Variants in TMEM183A observed in about 807,000 individuals in gnomAD.
The protein encoded by TMEM183A is chromosome 1 open reading frame 37.
In TMEM183A, 21 loss-of-function variants were observed where a neutral mutation model predicts 46.7. The observed-to-expected ratio is 0.45, with a 90% CI of 0.32 to 0.65. TMEM183A has a LOEUF of 0.65. Among genes scored for constraint, TMEM183A ranks in the 30% least tolerant of loss-of-function variants. The probability of loss-of-function intolerance (pLI) is 0.04; values close to 1 mark genes in which losing one functional copy is unlikely to be tolerated. For synonymous variants in TMEM183A, 165 were observed against 180.2 expected, an observed-to-expected ratio of 0.92 and a Z score of 0.68; for missense variants, 331 against 481.9, an observed-to-expected ratio of 0.69 and a Z score of 2.93.
In TMEM183A at chr1:203,012,527, T is replaced by G. The variant is rs776677752; in HGVS notation, c.368-2362T>G. On this transcript the variant is annotated intron_variant, in intron 3 of 7. Transcript: ENST00000367242. ...ATGCCTATCAAAATTCTTCATGTCC[T>G]TCATGATTTATCTCCATGAAGCTTT... Among the ~76,000 whole-genome samples the G allele has an allele frequency of 6.7e-4, 102 of 152,226 alleles. 1 individual carries two copies. The highest frequency in any genetic ancestry group is 1.3e-3 in the Non-Finnish European group (90 of 68,038).
At chr1:203,020,113 T>A (rs966582041) in intron 6 of TMEM183A, among the ~76,000 whole-genome samples, 1 of 152,212 alleles carries the variant, frequency 6.6e-6, no homozygotes, top group Non-Finnish European at 1.5e-5. Context: ...TCTCACGTGA[T>A]GGCAGGTGGG....
rs2102548122 is a variant in TMEM183A, at chr1:203,013,726, G to T, written c.368-1163G>T. Among the ~76,000 whole-genome samples the T allele has an allele frequency of 6.6e-6, 1 of 152,036 alleles. No individual in the cohort carries two copies. The highest frequency in any genetic ancestry group is 2.1e-4 in the South Asian group (1 of 4,804). ...GAAGGGGTTTCAGTGTGTTAGCCAG[G>T]TTGCTCTCGATCTCCTGACCTCGCG... On this transcript the variant is annotated intron_variant, in intron 3 of 7. Transcript: ENST00000367242. This position sits in a 1 kb window ranked among gnomAD's most constrained non-coding sequence, Gnocchi z 4.0.
chr1:203,015,999 A>G lies in TMEM183A; in HGVS notation c.567A>G (p.Arg189=). The change falls in exon 5 of 8, where the codon CGA becomes CGG. Residue 189 remains arginine, a synonymous_variant. Coordinates refer to ENST00000367242, the MANE Select transcript of TMEM183A (RefSeq NM_138391.6). ...TLDASLPLRL[R]PESMEKLRCL... is the part of the protein sequence containing the mutation. The stretch of plus-strand genomic sequence containing the variant: ...ATGCTTCCCTGCCTTTGCGTCTGCG[A>G]CCAGAGTCAATGGAGAAGCTGCGCT... 6.2e-7 allele frequency: 1 copy of G among 1,614,002 alleles called. No individual in the cohort carries two copies. The highest frequency in any genetic ancestry group is 8.5e-7 in the Non-Finnish European group (1 of 1,179,880).
chr1:203,011,205 A>T (rs1488028790), intron 3 of TMEM183A, among the ~76,000 whole-genome samples: 4 of 152,186 alleles, frequency 2.6e-5, no homozygotes, highest in Non-Finnish European at 4.4e-5. Context: ...ACTGTTTTCC[A>T]AAGTGTGTGC....
intron 2 of TMEM183A, among the ~76,000 whole-genome samples, chr1:203,008,176 C>T (rs1199105751): frequency 6.6e-6 from 1 of 152,034 alleles, no homozygotes; most frequent in East Asian, 1.9e-4. Context: ...GTTTAATAAC[C>T]TTGGAGTGTT....
At chr1:203,017,649 C>A in intron 5 of TMEM183A, 1 of 779,562 alleles carries the variant, frequency 1.3e-6, no homozygotes, top group Non-Finnish European at 1.6e-6. Flanking sequence ...ACTTGTATAC[C>A]CATGATTGCG....
In TMEM183A at chr1:203,024,742, G is replaced by A. The variant is rs1470895232; in HGVS notation, c.*1702G>A. On this transcript the variant is annotated 3_prime_UTR_variant, in exon 8 of 8. Coordinates refer to ENST00000367242, the MANE Select transcript of TMEM183A (RefSeq NM_138391.6). ...AGGGGAGAAGCACAGTCCCTGCCAG[G>A]TTGCCTGAACTAAAGATGCCATGGA... 6.6e-6 allele frequency: 1 copy of A among 152,160 alleles called. No individual in the cohort carries two copies. The highest frequency in any genetic ancestry group is 1.9e-4 in the East Asian group (1 of 5,198). 9.4% of individuals were successfully genotyped at this position (152,160 alleles called of 1,614,324 possible).
intron 3 of TMEM183A, among the ~76,000 whole-genome samples, chr1:203,009,229 T>C (rs1212729580): frequency 6.6e-6 from 1 of 152,368 alleles, no homozygotes. Context: ...CTAGTTTTGT[T>C]ACACACAAAC....
At chr1:203,014,735 A>T (rs1208038319) in intron 3 of TMEM183A, among the ~76,000 whole-genome samples, 154 bp from the exon 4 acceptor site, 6 of 152,242 alleles carry the variant, frequency 3.9e-5, no homozygotes, top group African/African-American at 1.4e-4. Flanking sequence ...TCCAGCAGCT[A>T]GGATGAGCAG....
chr1:203,018,384 C>G (rs1264558616), intron 5 of TMEM183A, 97 bp from the exon 6 acceptor site: 3 of 1,424,426 alleles, frequency 2.1e-6, no homozygotes, highest in Non-Finnish European at 2.9e-6. Flanking sequence ...TTAGAGCTGT[C>G]AAACAGAAAG....
chr1:203,017,567 T>C (rs1657285786), intron 5 of TMEM183A, among the ~76,000 whole-genome samples: 1 of 152,240 alleles, frequency 6.6e-6, no homozygotes. Flanking sequence ...CTGCTGCTTT[T>C]GTGCCTTGTT....
intron 3 of TMEM183A, among the ~76,000 whole-genome samples, chr1:203,012,792 C>A (rs566898940): frequency 1.3e-5 from 2 of 151,274 alleles, no homozygotes; most frequent in Non-Finnish European, 2.9e-5. Context: ...TGCAGTGGTG[C>A]AGTCATGGCT....
At chr1:203,008,586 G>T (rs1656228720) in intron 2 of TMEM183A, 57 bp from the exon 3 acceptor site, 5 of 1,342,292 alleles carry the variant, frequency 3.7e-6, no homozygotes, top group Middle Eastern at 2.4e-4. Context: ...TGGCTAAGTT[G>T]TTTGTATTTC....
intron 5 of TMEM183A, chr1:203,018,000 T>C (rs975011789): frequency 1.0e-6 from 1 of 966,482 alleles, no homozygotes; most frequent in Non-Finnish European, 1.2e-6. Context: ...TCAGCCTAGC[T>C]CTGTAGTTTC....
intron 1 of TMEM183A, 62 bp from the exon 2 acceptor site, chr1:203,007,712 G>A: frequency 2.5e-6 from 4 of 1,601,848 alleles, no homozygotes; most frequent in Non-Finnish European, 3.4e-6. Context: ...AGGAGGAGGT[G>A]TTGGCGGGGA....
intron 3 of TMEM183A, among the ~76,000 whole-genome samples, chr1:203,009,521 G>T (rs966257483): frequency 6.6e-6 from 1 of 152,048 alleles, no homozygotes; most frequent in Non-Finnish European, 1.5e-5. Flanking sequence ...TTGGTCTCTT[G>T]CCTGGGCTGG....
chr1:203,015,689 T>A (rs1657101515), intron 4 of TMEM183A: 1 of 410,872 alleles, frequency 2.4e-6, no homozygotes, highest in African/African-American at 2.0e-5. Flanking sequence ...TTTGAGCAGC[T>A]AAAGCATAAT....
At chr1:203,014,557 TGCACCACTGCATTCTAGCCTGG>T (rs1327842062) in intron 3 of TMEM183A, among the ~76,000 whole-genome samples, 1 of 152,052 alleles carries the variant, frequency 6.6e-6, no homozygotes, top group Admixed American at 6.5e-5. Context: ...GAGCTGAGAT[TGCACCACTGCATTCTAGCCTGG>T]GCACCACTGC....
At position 203,020,948 on chromosome 1, in the gene TMEM183A, G is replaced by C; in HGVS notation, c.945G>C (p.Leu315=). 1 of 1,587,866 alleles carries C rather than the reference G, an allele frequency of 6.3e-7. No individual in the cohort carries two copies. The highest frequency in any genetic ancestry group is 8.6e-7 in the Non-Finnish European group (1 of 1,169,100). ...IPIVMGMIFT[L]FTINVSTDMR... Reference sequence around the variant, plus strand: ...TTGTCATGGGAATGATATTTACTCTGGTAAGTGGGGACTCAGGATGTCATT... The same window carrying C: ...TTGTCATGGGAATGATATTTACTCTCGTAAGTGGGGACTCAGGATGTCATT... The change falls in exon 7 of 8, where the codon CTG becomes CTC. Residue 315 remains leucine (L), a splice_region_variant and synonymous_variant. Transcript: ENST00000367242.
Sources: allele counts gnomAD v4.1 joint callset (sites outside exome capture counted in the v4.1 genomes callset), GRCh38; gene constraint gnomAD v4.1.1; non-coding constraint Gnocchi (gnomAD v3.1); transcripts MANE v1.5; gene names NCBI Gene and HGNC (gene_info 2026-07-23, HGNC 2026-07-21).